NFAT5: variants seen among roughly 807,000 people sequenced by gnomAD.
The protein encoded by NFAT5 is nuclear factor of activated T-cells 5.
In NFAT5, 31 loss-of-function variants were observed where a neutral mutation model predicts 166.5. The observed-to-expected ratio is 0.19, with a 90% confidence interval of 0.14 to 0.25. The LOEUF (loss-of-function observed/expected upper bound fraction) is 0.25, where lower values mean the gene tolerates loss of function less well. NFAT5 is among the 10% of genes least tolerant of loss of function. The pLI is 1.00. For synonymous variants in NFAT5, 612 were observed against 639.7 expected, an observed-to-expected ratio of 0.96 and a Z score of 0.65; for missense variants, 1,449 against 1,821.8, an observed-to-expected ratio of 0.80 and a Z score of 3.72.
intron 2 of NFAT5, among the ~76,000 whole-genome samples, chr16:69,617,307 A>G (rs1246557648): frequency 2.0e-5 from 3 of 152,158 alleles, no homozygotes; most frequent in Non-Finnish European, 2.9e-5. Flanking sequence ...TAAATAAACC[A>G]TAAATGTTTT....
At chr16:69,599,734 T>G (rs962194871) in intron 2 of NFAT5, among the ~76,000 whole-genome samples, 3 of 152,084 alleles carry the variant, frequency 2.0e-5, no homozygotes, top group African/African-American at 7.2e-5. Context: ...GAGATAAATG[T>G]GGAGTTTTCC....
rs906182733 is a variant in NFAT5 at position 69,623,453 on chromosome 16, A to G, written c.128-2950A>G. Among the ~76,000 whole-genome samples, 26 of 151,850 alleles carry G rather than the reference A, an allele frequency of 1.7e-4. 2 individuals carry two copies. Among genetic ancestry groups the G allele is most frequent in the Admixed American group, 1.2e-3 (19 of 15,256 alleles). ...AGCAGTTTTCCTGCCTCAGCCTTCC[A>G]AGTAGCTGGGATTACAGGTGTGTGT... On this transcript the variant is annotated intron_variant, in intron 2 of 14. Transcript: ENST00000349945.
chr16:69,655,184 G>A (rs144562518), intron 5 of NFAT5, among the ~76,000 whole-genome samples: 85 of 152,114 alleles, frequency 5.6e-4, no homozygotes, highest in African/African-American at 2.0e-3. Flanking sequence ...TTCTATTCAA[G>A]TAGCTTTAGT....
At chr16:69,581,151 C>CA (rs891104430) in intron 2 of NFAT5, among the ~76,000 whole-genome samples, 1 of 152,030 alleles carries the variant, frequency 6.6e-6, no homozygotes, top group African/African-American at 2.4e-5. Context: ...AAGTGATTCT[C>CA]ATGCCTCACC....
At chr16:69,599,979 T>C (rs1403475617) in intron 2 of NFAT5, among the ~76,000 whole-genome samples, 3 of 152,170 alleles carry the variant, frequency 2.0e-5, no homozygotes, top group Non-Finnish European at 4.4e-5. Flanking sequence ...TTATTCTGGC[T>C]ACAGTGTAGA....
chr16:69,679,024 C>T (rs2036946564), intron 10 of NFAT5, among the ~76,000 whole-genome samples: 1 of 152,026 alleles, frequency 6.6e-6, no homozygotes, highest in African/African-American at 2.4e-5. Flanking sequence ...ACCTCTGCCT[C>T]CCAGGTTCAA....
chr16:69,569,781 CAAAT>C (rs1489088529), intron 2 of NFAT5, among the ~76,000 whole-genome samples: 4 of 152,084 alleles, frequency 2.6e-5, no homozygotes, highest in Admixed American at 6.6e-5. Context: ...AAAATGTTCT[CAAAT>C]AAATAATTGG....
At chr16:69,593,222 C>T (rs1227465749) in intron 2 of NFAT5, among the ~76,000 whole-genome samples, 1 of 152,076 alleles carries the variant, frequency 6.6e-6, no homozygotes, top group African/African-American at 2.4e-5. Flanking sequence ...GAGTTTCTGT[C>T]TTTATCTTTC....
intron 2 of NFAT5, among the ~76,000 whole-genome samples, chr16:69,573,124 G>A (rs1006920390): frequency 6.6e-6 from 1 of 152,202 alleles, no homozygotes; most frequent in Admixed American, 6.5e-5. Flanking sequence ...TTACGGGCAT[G>A]TGCCACCGCA....
chr16:69,572,721 T>TAAAC (rs2016515304), intron 2 of NFAT5, among the ~76,000 whole-genome samples: 1 of 152,092 alleles, frequency 6.6e-6, no homozygotes, highest in African/African-American at 2.4e-5. Flanking sequence ...TAGATAAATA[T>TAAAC]AAACAATAGA....
rs1226296644 is a variant in NFAT5 at position 69,566,036 on chromosome 16, C to T, written c.-266C>T. On this transcript the variant is annotated 5_prime_UTR_variant, in exon 1 of 15. Coordinates refer to ENST00000349945, the MANE Select transcript of NFAT5 (RefSeq NM_138713.4). This position sits in a 1 kb window ranked among gnomAD's most constrained non-coding sequence, Gnocchi z 5.7. Reference sequence around the variant, plus strand: ...CGCTGAGGAGAAACACGAAACGGACCCTTTGGCTCTCCCCCTTCCCCTTCC... The same window carrying T: ...CGCTGAGGAGAAACACGAAACGGACTCTTTGGCTCTCCCCCTTCCCCTTCC... 2.2e-6 allele frequency: 1 copy of T among 463,650 alleles called. No homozygotes were observed. Among genetic ancestry groups the T allele is most frequent in the Non-Finnish European group, 3.8e-6 (1 of 264,830 alleles). The allele number at this position is 463,650 out of a possible 1,614,324, so 28.7% of individuals were successfully genotyped here. A position where few individuals can be genotyped will look rare whatever the true frequency, so the allele number is the denominator to read the frequency against.
At chr16:69,611,419 T>A (rs1174335994) in intron 2 of NFAT5, among the ~76,000 whole-genome samples, 3 of 152,234 alleles carry the variant, frequency 2.0e-5, no homozygotes, top group Non-Finnish European at 4.4e-5. Context: ...GTGAGTTTAG[T>A]AAGGGTAGAA....
In NFAT5 at chr16:69,691,078, C is replaced by T. The variant is rs1567611746; in HGVS notation, c.1913C>T (p.Thr638Ile). The change falls in exon 12 of 15, where the codon ACT becomes ATT. Residue 638 changes from threonine (T) to isoleucine (I), a missense_variant. Physicochemically the swap from Thr to Ile is moderately conservative, Grantham distance 89 (BLOSUM62 -1). Transcript: ENST00000349945. ...GTAACAGCAGAAAAAAGATCTTCCA[C>T]TATTTTTAAGGTAAGCTGTATTGAC... Reference protein sequence around the residue: ...MEVTAEKRSSTIFKTTKSVGS... With the variant: ...MEVTAEKRSSIIFKTTKSVGS... The T allele has an allele frequency of 6.3e-7, 1 of 1,597,150 alleles. No homozygotes were observed.
intron 11 of NFAT5, chr16:69,686,194 C>CA (rs1178112672): frequency 3.4e-5 from 5 of 149,182 alleles, no homozygotes; most frequent in Admixed American, 1.3e-4. Context: ...ACTAAAAATA[C>CA]AAAAAAAAAT....
At chr16:69,645,783 G>A (rs748626513) in intron 3 of NFAT5, among the ~76,000 whole-genome samples, 16 of 152,108 alleles carry the variant, frequency 1.1e-4, no homozygotes, top group South Asian at 2.1e-4. Context: ...TGTATGTAAT[G>A]ACAACCTTTC....
intron 7 of NFAT5, among the ~76,000 whole-genome samples, chr16:69,663,817 C>T (rs2036250948): frequency 1.3e-5 from 2 of 152,000 alleles, no homozygotes; most frequent in African/African-American, 2.4e-5. Flanking sequence ...TTCAAGGATA[C>T]AGTGAGCTAT....
chr16:69,681,999 A>G (rs1035169259), intron 10 of NFAT5, among the ~76,000 whole-genome samples: 2 of 151,954 alleles, frequency 1.3e-5, no homozygotes, highest in African/African-American at 4.8e-5. Context: ...GGTCAAGGCA[A>G]AGGCTCAAGT....
intron 7 of NFAT5, among the ~76,000 whole-genome samples, chr16:69,662,227 A>G (rs1303614881): frequency 1.3e-5 from 2 of 152,192 alleles, no homozygotes; most frequent in Admixed American, 1.3e-4. Flanking sequence ...CTTGTCTTAA[A>G]ACACAAATAG....
At chr16:69,670,143 G>A (rs1180678982) in intron 8 of NFAT5, 32 bp downstream of exon 8, 1 of 1,601,278 alleles carries the variant, frequency 6.2e-7, no homozygotes. Flanking sequence ...ACAGATATTT[G>A]TATGTTTTCA....
Sources: gnomAD v4.1 joint callset for allele counts (sites outside exome capture counted in the v4.1 genomes callset) on GRCh38, gnomAD v4.1.1 for gene constraint, Gnocchi (gnomAD v3.1) non-coding constraint, MANE v1.5 for transcripts, NCBI Gene and HGNC (gene_info 2026-07-23, HGNC 2026-07-21) for gene names.